Variants in B4GALT6 observed in about 807,000 individuals in gnomAD.
The protein encoded by B4GALT6 is beta-1,4-galactosyltransferase 6.
B4GALT6 carries 14 observed loss-of-function variants against 46.3 expected under a neutral mutation model. That is an observed-to-expected ratio of 0.30 (90% CI 0.20 to 0.47). B4GALT6 has a LOEUF of 0.47. Among genes scored for constraint, B4GALT6 ranks in the 20% least tolerant of loss-of-function variants. The probability of loss-of-function intolerance (pLI) is 0.99; values close to 1 mark genes in which losing one functional copy is unlikely to be tolerated. For missense variants in B4GALT6, 386 were observed against 480.1 expected, an observed-to-expected ratio of 0.80 and a Z score of 1.83; for synonymous variants, 168 against 162.0, an observed-to-expected ratio of 1.04 and a Z score of -0.28.
In B4GALT6 at chr18:31,625,157, T is replaced by A. The variant is rs2073672723; in HGVS notation, c.*457A>T. The A allele has an allele frequency of 6.5e-6, 1 of 153,712 alleles. No homozygotes were observed. Among genetic ancestry groups the A allele is most frequent in the African/African-American group, 2.4e-5 (1 of 41,456 alleles). 9.5% of individuals were successfully genotyped at this position (153,712 alleles called of 1,614,324 possible). ...TTTAGTGATGTAAATTTAGTGAGTT[T>A]TTTTCATGCAAATAAAAAATGTCTA... On this transcript the variant is annotated 3_prime_UTR_variant, in exon 9 of 9. Coordinates refer to ENST00000306851, the MANE Select transcript of B4GALT6 (RefSeq NM_004775.5).
chr18:31,684,646 G>C (rs2074522443), upstream of B4GALT6: 2 of 1,102,600 alleles, frequency 1.8e-6, no homozygotes, highest in African/African-American at 1.7e-5. Flanking sequence ...AGGCGCGGAG[G>C]CCGAGGGACA....
At chr18:31,629,860 AAAAAAG>A (rs1230847562) in intron 6 of B4GALT6, among the ~76,000 whole-genome samples, 20 of 151,292 alleles carry the variant, frequency 1.3e-4, no homozygotes, top group African/African-American at 4.8e-4. Context: ...AAAAAAAAAA[AAAAAAG>A]AAAAAGAGAA....
intron 4 of B4GALT6, among the ~76,000 whole-genome samples, chr18:31,644,554 C>T (rs1000779192): frequency 6.6e-5 from 10 of 152,122 alleles, no homozygotes; most frequent in Non-Finnish European, 1.0e-4. Flanking sequence ...GGAAATAACA[C>T]TTGATTTATC....
At chr18:31,695,187 C>T in the B4GALT6 span, among the ~76,000 whole-genome samples, 2 of 151,212 alleles carry the variant, frequency 1.3e-5, no homozygotes, top group African/African-American at 2.4e-5. Flanking sequence ...AAGTATTACA[C>T]GGGTAGCAGG....
chr18:31,700,792 C>A, the B4GALT6 span, among the ~76,000 whole-genome samples: 2 of 152,000 alleles, frequency 1.3e-5, no homozygotes, highest in African/African-American at 4.8e-5. Flanking sequence ...ACAAGGATGA[C>A]CTTTGGTGTC....
intron 3 of B4GALT6, among the ~76,000 whole-genome samples, chr18:31,650,715 C>A (rs148103552): frequency 4.7e-4 from 72 of 152,360 alleles, no homozygotes; most frequent in African/African-American, 1.7e-3. Flanking sequence ...CAACCAAGAA[C>A]CCTGACTTTT....
At chr18:31,658,913 C>T (rs758354888) in intron 2 of B4GALT6, among the ~76,000 whole-genome samples, 9 of 152,160 alleles carry the variant, frequency 5.9e-5, no homozygotes, top group Non-Finnish European at 1.3e-4. Context: ...ACCTGACCCA[C>T]GAGACAGTCA....
At chr18:31,637,389 GCT>G (rs1491587002) in intron 5 of B4GALT6, among the ~76,000 whole-genome samples, 27 of 117,546 alleles carry the variant, frequency 2.3e-4, no homozygotes, top group Non-Finnish European at 4.2e-4. Context: ...TGCAATGTAT[GCT>G]TTTTTTTTTT....
chr18:31,694,291 G>A, the B4GALT6 span, among the ~76,000 whole-genome samples: 1 of 152,200 alleles, frequency 6.6e-6, no homozygotes, highest in Non-Finnish European at 1.5e-5. Context: ...TAAACAGGAA[G>A]AGCTTCCAGA....
intron 3 of B4GALT6, among the ~76,000 whole-genome samples, chr18:31,653,612 T>G (rs998796744): frequency 3.3e-5 from 5 of 151,884 alleles, no homozygotes; most frequent in African/African-American, 1.2e-4. Context: ...TGGCTAATTT[T>G]TGTGTGTGTG....
At chr18:31,642,079 G>T (rs2073936673) in intron 4 of B4GALT6, among the ~76,000 whole-genome samples, 1 of 152,172 alleles carries the variant, frequency 6.6e-6, no homozygotes, top group African/African-American at 2.4e-5. Context: ...AGTACCTCCA[G>T]GAGCAGTTCT....
the B4GALT6 span, among the ~76,000 whole-genome samples, chr18:31,697,456 G>A: frequency 0.5 from 69,849 of 140,110 alleles, 18,574 homozygotes; most frequent in East Asian, 0.73. Flanking sequence ...CATCTGGGTG[G>A]CAGCGAGGGT....
At chr18:31,721,557 T>C in the B4GALT6 span, among the ~76,000 whole-genome samples, 3 of 152,266 alleles carry the variant, frequency 2.0e-5, no homozygotes, top group Non-Finnish European at 4.4e-5. Context: ...ATTTTGTAGA[T>C]GTGGTTAACA....
the B4GALT6 span, among the ~76,000 whole-genome samples, chr18:31,714,344 C>A: frequency 6.6e-6 from 1 of 152,216 alleles, no homozygotes; most frequent in Non-Finnish European, 1.5e-5. Context: ...CCAGCTTGCA[C>A]TAGAACGCTA....
chr18:31,695,890 C>T, the B4GALT6 span, among the ~76,000 whole-genome samples: 5 of 151,734 alleles, frequency 3.3e-5, no homozygotes, highest in South Asian at 4.1e-4. Context: ...TAACTCCATT[C>T]GAAGCAGAAA....
intron 3 of B4GALT6, among the ~76,000 whole-genome samples, chr18:31,649,128 T>A (rs1230077758): frequency 6.6e-6 from 1 of 152,226 alleles, no homozygotes; most frequent in Non-Finnish European, 1.5e-5. Flanking sequence ...GCTCTGAGGC[T>A]GAACAGTTAT....
At chr18:31,656,377 A>G (rs1333289964) in intron 3 of B4GALT6, among the ~76,000 whole-genome samples, 1 of 152,174 alleles carries the variant, frequency 6.6e-6, no homozygotes, top group African/African-American at 2.4e-5. Flanking sequence ...CTATATGTAC[A>G]AAGTAGGCTT....
At chr18:31,626,739 G>C (rs2073703726) in intron 7 of B4GALT6, among the ~76,000 whole-genome samples, 1 of 152,022 alleles carries the variant, frequency 6.6e-6, no homozygotes, top group South Asian at 2.1e-4. Flanking sequence ...CCATCCTCCT[G>C]GGTCCTTGGA....
chr18:31,691,282 C>T, the B4GALT6 span, among the ~76,000 whole-genome samples: 1 of 103,214 alleles, frequency 9.7e-6, no homozygotes, highest in Non-Finnish European at 2.1e-5. Context: ...TAACCTCTTA[C>T]ATAATTTTAC....
Sources: gnomAD v4.1 joint callset for allele counts (sites outside exome capture counted in the v4.1 genomes callset) on GRCh38, gnomAD v4.1.1 for gene constraint, MANE v1.5 for transcripts, NCBI Gene and HGNC (gene_info 2026-07-23, HGNC 2026-07-21) for gene names.